The following PPP4R4 variants were observed in gnomAD, a reference collection of about 807,000 sequenced individuals.
PPP4R4 encodes the protein protein phosphatase 4 regulatory subunit 4, also known as serine/threonine-protein phosphatase 4 regulatory subunit 4.
In PPP4R4, 70 loss-of-function variants were observed where a neutral mutation model predicts 121.8. That is an observed-to-expected ratio of 0.57 (90% confidence interval 0.47 to 0.70). The LOEUF (loss-of-function observed/expected upper bound fraction) is 0.70, where lower values mean the gene tolerates loss of function less well. Among genes scored for constraint, PPP4R4 ranks in the 30% least tolerant of loss-of-function variants. PPP4R4 has a pLI of 0.00. For missense variants in PPP4R4, 875 were observed against 1,033.6 expected, an observed-to-expected ratio of 0.85 and a Z score of 2.10; for synonymous variants, 348 against 355.7, an observed-to-expected ratio of 0.98 and a Z score of 0.24.
chr14:94,186,891 T>G (rs574987866), intron 2 of PPP4R4, among the ~76,000 whole-genome samples: 3 of 152,252 alleles, frequency 2.0e-5, no homozygotes, highest in Non-Finnish European at 2.9e-5. Flanking sequence ...CTAGTCCTCC[T>G]TTAAAATATA....
intron 3 of PPP4R4, chr14:94,227,375 A>G: frequency 1.2e-6 from 2 of 1,610,408 alleles, no homozygotes; most frequent in South Asian, 2.2e-5. Flanking sequence ...GAGAACACTT[A>G]CTGGTAAGTA....
chr14:94,214,628 T>C (rs1890929045), intron 3 of PPP4R4, among the ~76,000 whole-genome samples: 1 of 152,156 alleles, frequency 6.6e-6, no homozygotes, highest in Admixed American at 6.5e-5. Context: ...TTTAACATCT[T>C]ATTCTAGAGT....
intron 3 of PPP4R4, among the ~76,000 whole-genome samples, chr14:94,217,957 G>A (rs938069064): frequency 6.6e-6 from 1 of 152,114 alleles, no homozygotes; most frequent in Non-Finnish European, 1.5e-5. Flanking sequence ...TTGCACCATT[G>A]CACTCTAGCA....
In PPP4R4 at chr14:94,265,434, A is replaced by G. The variant is rs1595543089; in HGVS notation, c.2245A>G (p.Ile749Val). 1.9e-6 allele frequency: 3 copies of G among 1,613,268 alleles called. No homozygotes were observed. Among genetic ancestry groups the G allele is most frequent in the Middle Eastern group, 1.7e-4 (1 of 6,060 alleles). The change falls in exon 21 of 25, where the codon ATT (isoleucine) becomes GTT (valine). Residue 749 changes from isoleucine (I) to valine (V), a missense_variant. Coordinates refer to ENST00000304338, the MANE Select transcript of PPP4R4 (RefSeq NM_058237.2). The stretch of plus-strand genomic sequence containing the variant: ...GCAAAGTCTGCCCAAGAACATCCCC[A>G]TTTCTGTTCCTGGACCCTCTTCTGT... ...PTQSLPKNIP[I>V]SVPGPSSVTP...
At chr14:94,274,248 A>C (rs141197403) in intron 23 of PPP4R4, among the ~76,000 whole-genome samples, 104 of 152,304 alleles carry the variant, frequency 6.8e-4, no homozygotes, top group African/African-American at 2.2e-3. Flanking sequence ...TGGAATACAC[A>C]AAGATTTATC....
rs33943858 is a variant in PPP4R4, at chr14:94,279,003, TA to T, written c.*361del. 3.7e-3 allele frequency: 591 copies of T among 158,108 alleles called. 3 individuals are homozygous for T. The highest frequency in any genetic ancestry group is 0.014 in the African/African-American group (565 of 41,810). The allele number at this position is 158,108 out of a possible 1,614,324, so 9.8% of individuals were successfully genotyped here. On this transcript the variant is annotated 3_prime_UTR_variant, in exon 25 of 25. Transcript: ENST00000304338. ...CAGCCATTTAATTGTTCTAGAGTTT[TA>T]GCATTTAAAAATCGTATGAAAGTCT...
At chr14:94,210,639 G>C (rs1890694712) in intron 3 of PPP4R4, among the ~76,000 whole-genome samples, 1 of 152,088 alleles carries the variant, frequency 6.6e-6, no homozygotes, top group Non-Finnish European at 1.5e-5. Flanking sequence ...CGAAAAGGTA[G>C]AAGAGTCCAG....
intron 18 of PPP4R4, 38 bp from the exon 19 acceptor site, chr14:94,259,257 C>T: frequency 6.3e-7 from 1 of 1,577,978 alleles, no homozygotes; most frequent in South Asian, 1.2e-5. Flanking sequence ...AGAAACTCAT[C>T]ACTAATGTTT....
intron 3 of PPP4R4, among the ~76,000 whole-genome samples, chr14:94,215,696 T>C (rs1000864101): frequency 6.6e-6 from 1 of 152,200 alleles, no homozygotes; most frequent in African/African-American, 2.4e-5. Context: ...AAAATAAAAG[T>C]ATTAATGAAA....
chr14:94,179,674 T>C (rs935412991), intron 2 of PPP4R4, among the ~76,000 whole-genome samples: 3 of 152,224 alleles, frequency 2.0e-5, no homozygotes, highest in Non-Finnish European at 4.4e-5. Context: ...AAGTCTTCTC[T>C]AACTGCTTAA....
chr14:94,190,685 C>T (rs1325354149), intron 2 of PPP4R4, among the ~76,000 whole-genome samples: 1 of 152,010 alleles, frequency 6.6e-6, no homozygotes, highest in African/African-American at 2.4e-5. Context: ...AATAGAAAGG[C>T]TGGTTAAAAA....
chr14:94,225,078 A>G (rs889469380), intron 3 of PPP4R4, among the ~76,000 whole-genome samples: 7 of 152,142 alleles, frequency 4.6e-5, no homozygotes, highest in Non-Finnish European at 8.8e-5. Context: ...CTATGCAGGT[A>G]TATAAATAGA....
intron 2 of PPP4R4, among the ~76,000 whole-genome samples, chr14:94,206,664 C>G (rs190533924): frequency 6.6e-6 from 1 of 152,002 alleles, no homozygotes; most frequent in African/African-American, 2.4e-5. Context: ...TTCCTGACAT[C>G]TGTTCATCTA....
In PPP4R4 at chr14:94,212,902, G is replaced by A. The variant is rs11851099; in HGVS notation, c.294+4336G>A. ...ATGCAAAAAACACTCTCTACTTATCGAGGTATTAAATTTATTTAGTTGTTT... is the reference window on the plus strand; with the variant it reads ...ATGCAAAAAACACTCTCTACTTATCAAGGTATTAAATTTATTTAGTTGTTT... On this transcript the variant is annotated intron_variant, in intron 3 of 24. Transcript: ENST00000304338. 5.4e-3 allele frequency among the ~76,000 whole-genome samples: 828 copies of A among 152,144 alleles called. 13 individuals carry two copies. Among genetic ancestry groups the A allele is most frequent in the African/African-American group, 0.019 (778 of 41,494 alleles).
In PPP4R4 at chr14:94,230,786, A is replaced by G. The variant is rs1043056950; in HGVS notation, c.442+52A>G. ...ATACTTGTTTATTGTTTTTTTGTGT[A>G]TGGCCATGATATTATATAAATACTG... is the stretch of plus-strand genomic sequence containing the variant. On this transcript the variant is annotated intron_variant, in intron 4 of 24. Transcript: ENST00000304338. 3 of 1,519,126 alleles carry G rather than the reference A, an allele frequency of 2.0e-6. No individual in the cohort carries two copies. In the African/African-American group the frequency reaches 4.2e-5, roughly 21 times the overall value. The allele number at this position is 1,519,126 out of a possible 1,614,324, so 94.1% of individuals were successfully genotyped here. A position where few individuals can be genotyped will look rare whatever the true frequency, so the allele number is the denominator to read the frequency against.
chr14:94,276,026 A>T (rs1329477214), intron 24 of PPP4R4, among the ~76,000 whole-genome samples: 3 of 151,848 alleles, frequency 2.0e-5, no homozygotes, highest in Non-Finnish European at 4.4e-5. Context: ...CTTTTCCCCC[A>T]TGATTCCTTT....
chr14:94,198,804 T>C (rs1890012534), intron 2 of PPP4R4, among the ~76,000 whole-genome samples: 1 of 152,216 alleles, frequency 6.6e-6, no homozygotes, highest in African/African-American at 2.4e-5. Context: ...GAGTTGTCGT[T>C]TCACCTTTTT....
At chr14:94,176,881 C>T (rs947117092) in intron 2 of PPP4R4, among the ~76,000 whole-genome samples, 11 of 152,022 alleles carry the variant, frequency 7.2e-5, no homozygotes, top group African/African-American at 2.7e-4. Context: ...CATATTTTTC[C>T]CTTTTGGCAA....
In PPP4R4 at chr14:94,180,304, G is replaced by A. The variant is rs202098178; in HGVS notation, c.191+4177G>A. Among the ~76,000 whole-genome samples the A allele has an allele frequency of 1.4e-4, 22 of 152,226 alleles. No individual in the cohort carries two copies. The South Asian group carries it at 2.1e-3, about 14-fold the overall frequency. Reference sequence around the variant, plus strand: ...TTTGTGATAGATATCCATTAACTTCGTTTGCTAATAGTATTTATCAGAAAT... The same window carrying A: ...TTTGTGATAGATATCCATTAACTTCATTTGCTAATAGTATTTATCAGAAAT... On this transcript the variant is annotated intron_variant, in intron 2 of 24. Transcript: ENST00000304338.
Sources: gnomAD v4.1 joint callset for allele counts (sites outside exome capture counted in the v4.1 genomes callset) on GRCh38, gnomAD v4.1.1 for gene constraint, MANE v1.5 for transcripts, NCBI Gene and HGNC (gene_info 2026-07-23, HGNC 2026-07-21) for gene names.